CASK: variants seen among roughly 807,000 people sequenced by gnomAD.
The protein encoded by CASK is peripheral plasma membrane protein CASK.
Under a neutral mutation model 82.9 loss-of-function variants are expected in CASK, and 4 were observed. The ratio of observed to expected loss-of-function variants is 0.05; its 90% confidence interval spans 0.02 to 0.11. The LOEUF (loss-of-function observed/expected upper bound fraction) is 0.11, where lower values mean the gene tolerates loss of function less well. Ranked by LOEUF, CASK falls within the 10% of genes least tolerant of loss-of-function variation. CASK has a pLI of 1.00. For missense variants in CASK, 358 were observed against 720.9 expected, an observed-to-expected ratio of 0.50 and a Z score of 5.76; for synonymous variants, 259 against 253.5, an observed-to-expected ratio of 1.02 and a Z score of -0.20.
At chrX:41,691,905 C>CTTTCTT (rs2067572908) in intron 5 of CASK, among the ~76,000 whole-genome samples, 1 of 94,424 alleles carries the variant, frequency 1.1e-5, no homozygotes, top group African/African-American at 3.9e-5. Flanking sequence ...ACCTCTTGAA[C>CTTTCTT]TTTCTTTCTT....
At chrX:41,747,631 C>T (rs1465902934) in intron 3 of CASK, among the ~76,000 whole-genome samples, 3 of 111,491 alleles carry the variant, frequency 2.7e-5, no homozygotes, top group Admixed American at 9.5e-5. Context: ...TTAGTAGAGA[C>T]GGGGTTTCAC....
In CASK at chrX:41,923,208, C is replaced by A. The variant is rs1187320352; in HGVS notation, c.-220G>T. The A allele has an allele frequency of 1.9e-5, 2 of 107,549 alleles. No individual in the cohort carries two copies. The highest frequency in any genetic ancestry group is 3.9e-5 in the Non-Finnish European group (2 of 51,820). The allele number at this position is 107,549 out of a possible 1,213,427, so 8.9% of individuals were successfully genotyped here. On this transcript the variant is annotated 5_prime_UTR_variant, in exon 1 of 27. Transcript: ENST00000378163. ...GGGCGGCGGGGCCGGGGCGCGGGAG[C>A]GAGGGCGGCCCGGGCCCGGCGCCGC...
chrX:41,900,183 T>C (rs1472617113), intron 1 of CASK, among the ~76,000 whole-genome samples: 1 of 111,401 alleles, frequency 9.0e-6, no homozygotes, highest in Non-Finnish European at 1.9e-5. Flanking sequence ...CTCTTGATGC[T>C]TTTGAAATTA....
rs1569326931 is a variant in CASK at position 41,593,357 on chromosome X, T to C, written c.1156-3765A>G. 5.4e-5 allele frequency among the ~76,000 whole-genome samples: 6 copies of C among 111,531 alleles called. No homozygotes were observed. The Admixed American group carries it at 5.7e-4, about 11-fold the overall frequency. ...GAGGAATGGGCTCATTTTGTCACTG[T>C]CAGAGAGAAGTGACCCTTTGTTGGT... On this transcript the variant is annotated intron_variant, in intron 12 of 26. Coordinates refer to ENST00000378163, the MANE Select transcript of CASK (RefSeq NM_001367721.1).
chrX:41,801,724 T>C (rs1602645237), intron 2 of CASK, among the ~76,000 whole-genome samples: 1 of 111,568 alleles, frequency 9.0e-6, no homozygotes, highest in East Asian at 2.8e-4. Context: ...TGGATATCTT[T>C]GGCCAAGCAA....
chrX:41,529,312 A>T (rs1008296401), intron 25 of CASK, among the ~76,000 whole-genome samples: 1 of 111,842 alleles, frequency 8.9e-6, no homozygotes, highest in Non-Finnish European at 1.9e-5. Context: ...TCTCCCACTC[A>T]GCAGTGCAGA....
intron 12 of CASK, among the ~76,000 whole-genome samples, chrX:41,599,747 A>T (rs1476049821): frequency 8.9e-6 from 1 of 112,029 alleles, no homozygotes; most frequent in Non-Finnish European, 1.9e-5. Context: ...CAGATGACCT[A>T]GCTTGACTGT....
chrX:41,728,337 G>A (rs1181803147), intron 5 of CASK: 8 of 177,950 alleles, frequency 4.5e-5, no homozygotes, highest in Non-Finnish European at 8.9e-5. Flanking sequence ...TTCAGAACAC[G>A]TTATTTCATG....
chrX:41,850,951 C>A (rs2071252359), intron 2 of CASK, among the ~76,000 whole-genome samples: 1 of 111,436 alleles, frequency 9.0e-6, no homozygotes, highest in Non-Finnish European at 1.9e-5. Context: ...GGAATCCCAT[C>A]GCAAGAAAAA....
intron 22 of CASK, among the ~76,000 whole-genome samples, chrX:41,540,059 A>C (rs1474228157): frequency 8.9e-6 from 1 of 112,090 alleles, no homozygotes; most frequent in East Asian, 2.8e-4. Flanking sequence ...ACCATCTAAG[A>C]AGCTCAGACT....
At chrX:41,767,605 G>A (rs750920724) in intron 3 of CASK, among the ~76,000 whole-genome samples, 1 of 111,708 alleles carries the variant, frequency 9.0e-6, no homozygotes, top group Non-Finnish European at 1.9e-5. Flanking sequence ...AGATTCCTTA[G>A]TCTCCTCTGG....
At chrX:41,664,240 T>C (rs1315399791) in intron 7 of CASK, among the ~76,000 whole-genome samples, 1 of 112,035 alleles carries the variant, frequency 8.9e-6, no homozygotes, top group African/African-American at 3.2e-5. Flanking sequence ...TAAACTTCAG[T>C]TATGGCTTAA....
intron 2 of CASK, among the ~76,000 whole-genome samples, chrX:41,806,709 G>A (rs760877558): frequency 8.9e-6 from 1 of 112,006 alleles, no homozygotes; most frequent in Non-Finnish European, 1.9e-5. Flanking sequence ...GAGTATCTAC[G>A]ACTTAATAAA....
At chrX:41,833,939 G>A (rs762954667) in intron 2 of CASK, among the ~76,000 whole-genome samples, 14 of 110,692 alleles carry the variant, frequency 1.3e-4, no homozygotes, top group Admixed American at 1.9e-4. Context: ...TTGTAGAGAT[G>A]GGGTTTTGCC....
intron 12 of CASK, among the ~76,000 whole-genome samples, chrX:41,598,843 T>C (rs181650119): frequency 1.3e-3 from 145 of 111,993 alleles, no homozygotes; most frequent in Middle Eastern, 4.6e-3. Flanking sequence ...TTCTACAAAA[T>C]TGCTAAAAAT....
chrX:41,608,855 C>CATAG (rs1047743711), intron 12 of CASK, among the ~76,000 whole-genome samples: 3 of 111,793 alleles, frequency 2.7e-5, no homozygotes, highest in Admixed American at 1.9e-4. Context: ...TTTTCTCTCT[C>CATAG]CTATACTCAT....
intron 5 of CASK, chrX:41,697,726 A>C (rs890734620): frequency 1.8e-5 from 2 of 112,199 alleles, no homozygotes; most frequent in Admixed American, 1.9e-4. Flanking sequence ...GAGTAAAAAA[A>C]ACCCCACAAA....
chrX:41,656,266 G>C (rs1211487760), intron 8 of CASK, among the ~76,000 whole-genome samples: 1 of 112,093 alleles, frequency 8.9e-6, no homozygotes, highest in African/African-American at 3.2e-5. Flanking sequence ...GCCCATGGCT[G>C]TGGGGCAGAT....
intron 11 of CASK, among the ~76,000 whole-genome samples, chrX:41,611,336 C>G (rs774157256): frequency 3.6e-5 from 4 of 111,423 alleles, no homozygotes; most frequent in South Asian, 3.7e-4. Context: ...AGAAAGCAAT[C>G]TGGTAACATA....
Sources: gnomAD v4.1 joint callset for allele counts (sites outside exome capture counted in the v4.1 genomes callset) on GRCh38, gnomAD v4.1.1 for gene constraint, MANE v1.5 for transcripts, NCBI Gene and HGNC (gene_info 2026-07-23, HGNC 2026-07-21) for gene names.